Variants in TMEM51 observed in about 807,000 individuals in gnomAD.
TMEM51 encodes transmembrane protein 51, also known as chromosome 1 open reading frame 72.
In TMEM51, 8 loss-of-function variants were observed where a neutral mutation model predicts 13.6. The ratio of observed to expected loss-of-function variants is 0.59; its 90% CI spans 0.35 to 1.07. The LOEUF (loss-of-function observed/expected upper bound fraction) is 1.07, where lower values mean the gene tolerates loss of function less well. TMEM51 is among the 50% of genes least tolerant of loss of function. TMEM51 has a pLI of 0.02. For missense variants in TMEM51, 279 were observed against 330.7 expected, an observed-to-expected ratio of 0.84 and a Z score of 1.21; for synonymous variants, 147 against 144.4, an observed-to-expected ratio of 1.02 and a Z score of -0.13.
At chr1:15,164,806 C>T (rs10927693) in intron 1 of TMEM51, among the ~76,000 whole-genome samples, 1,699 of 93,798 alleles carry the variant, frequency 0.018, 7 homozygotes, top group African/African-American at 0.032. Context: ...TTTTTTTTTT[C>T]CTTTTTTTTT....
Position 15,215,434 on chromosome 1 carries a change from G to A in TMEM51, c.344+3G>A, listed in dbSNP as rs746188222. The stretch of plus-strand genomic sequence containing the variant: ...CCTCACGCCCAGGAGGAAGACAGGT[G>A]AGGCCTGACTGTCCCCTTCCCTCCC... On this transcript the variant is annotated splice_donor_region_variant and intron_variant, in intron 3 of 3. Coordinates refer to ENST00000376008, the MANE Select transcript of TMEM51 (RefSeq NM_001136218.2). The A allele has an allele frequency of 6.3e-7, 1 of 1,592,708 alleles. No individual in the cohort carries two copies. Among genetic ancestry groups the A allele is most frequent in the South Asian group, 1.1e-5 (1 of 89,750 alleles).
At chr1:15,156,820 T>C (rs1450237383) in intron 1 of TMEM51, among the ~76,000 whole-genome samples, 1 of 152,208 alleles carries the variant, frequency 6.6e-6, no homozygotes, top group Non-Finnish European at 1.5e-5. Context: ...CCAGCCCTCC[T>C]GACTCCCTTC....
intron 1 of TMEM51, among the ~76,000 whole-genome samples, chr1:15,198,918 C>T (rs1023857474): frequency 2.1e-4 from 32 of 152,152 alleles, no homozygotes; most frequent in African/African-American, 7.2e-4. Context: ...AGGTCAACCC[C>T]GTTTCCGGCC....
rs11557012 is a variant in TMEM51, at chr1:15,214,951, G to T, written c.-137G>T. 2.9e-4 allele frequency: 248 copies of T among 856,964 alleles called. 3 individuals carry two copies. In the East Asian group the frequency reaches 6.2e-3, roughly 22 times the overall value. The allele number at this position is 856,964 out of a possible 1,614,324, so 53.1% of individuals were successfully genotyped here. A position where few individuals can be genotyped will look rare whatever the true frequency, so the allele number is the denominator to read the frequency against. On this transcript the variant is annotated 5_prime_UTR_variant, in exon 3 of 4. Coordinates refer to ENST00000376008, the MANE Select transcript of TMEM51 (RefSeq NM_001136218.2). ...CCTCGCGATTGCTCGGAACCATCCC[G>T]CAGGAGTTCAGCTGATATTTTCTAG...
intron 1 of TMEM51, among the ~76,000 whole-genome samples, chr1:15,163,931 T>C (rs11582618): frequency 0.23 from 34,988 of 150,844 alleles, 4,456 homozygotes; most frequent in African/African-American, 0.32. Context: ...TGGGGTCAAG[T>C]GATTCTCCTG....
Position 15,219,541 on chromosome 1 carries a change from C to A in TMEM51, c.560C>A (p.Pro187His), listed in dbSNP as rs1448931328. 6 of 1,614,142 alleles carry A rather than the reference C, an allele frequency of 3.7e-6. No individual in the cohort carries two copies. The highest frequency in any genetic ancestry group is 2.2e-5 in the South Asian group (2 of 91,084). Residue 187 changes from proline (P) to histidine (H), a missense_variant, in exon 4 of 4, where the codon CCT (proline) becomes CAT (histidine). Pro to His is a moderately conservative substitution (Grantham distance 77). Transcript: ENST00000376008. Reference sequence around the variant, plus strand: ...GTGGAGGCCAGCCCTGGGAACCCCCCTGACAGGCAGAACTCTAAGTTGGCC... The same window carrying A: ...GTGGAGGCCAGCCCTGGGAACCCCCATGACAGGCAGAACTCTAAGTTGGCC... The part of the protein sequence containing the change: ...ADVEASPGNP[P>H]DRQNSKLAKR...
At chr1:15,210,721 C>A (rs1341429512) in intron 2 of TMEM51, among the ~76,000 whole-genome samples, 159 bp downstream of exon 2, 40 of 152,232 alleles carry the variant, frequency 2.6e-4, no homozygotes, top group Admixed American at 2.6e-3. Context: ...GACTGCCCAC[C>A]AAGCCTACTG....
rs1353503965 is a variant in TMEM51 at position 15,193,641 on chromosome 1, G to A, written c.-266-16849G>A. On this transcript the variant is annotated intron_variant, in intron 1 of 3. Coordinates refer to ENST00000376008, the MANE Select transcript of TMEM51 (RefSeq NM_001136218.2). ...CGCCCAAGCTGGAGTGCAGTGGCAC[G>A]GTCTCGGCTCACTGCAACCTCCATC... is the stretch of plus-strand genomic sequence containing the variant. Among the ~76,000 whole-genome samples the A allele has an allele frequency of 9.8e-5, 14 of 143,238 alleles. No homozygotes were observed. The East Asian group carries it at 1.2e-3, about 12-fold the overall frequency. 94.0% of individuals were successfully genotyped at this position (143,238 alleles called of 152,430 possible).
chr1:15,191,770 C>A (rs762935098), intron 1 of TMEM51: 11 of 296,706 alleles, frequency 3.7e-5, no homozygotes, highest in Admixed American at 1.6e-4. Context: ...GTTTGCAAAT[C>A]TTTTTATTTC....
At chr1:15,175,425 TA>T (rs1643427285) in intron 1 of TMEM51, among the ~76,000 whole-genome samples, 1 of 152,016 alleles carries the variant, frequency 6.6e-6, no homozygotes. Flanking sequence ...TTAAATAAAA[TA>T]AAATAAACTA....
At position 15,219,794 on chromosome 1, in the gene TMEM51, C is replaced by T. The variant is rs1358481619; in HGVS notation, c.*51C>T. On this transcript the variant is annotated 3_prime_UTR_variant, in exon 4 of 4. Transcript: ENST00000376008. ...TCCTGTCTCTCACACCTTTCACCCC[C>T]AAGACTCTAACAAAGCCACATGAGC... 5 of 1,572,830 alleles carry T rather than the reference C, an allele frequency of 3.2e-6. No individual in the cohort carries two copies. Among genetic ancestry groups the T allele is most frequent in the Non-Finnish European group, 4.3e-6 (5 of 1,159,154 alleles).
chr1:15,175,438 G>A (rs1297404243), intron 1 of TMEM51, among the ~76,000 whole-genome samples: 1 of 151,908 alleles, frequency 6.6e-6, no homozygotes, highest in Non-Finnish European at 1.5e-5. Flanking sequence ...AATAAACTAG[G>A]GCTGTAAGCT....
chr1:15,168,584 C>G, intron 1 of TMEM51: 4 of 1,304,620 alleles, frequency 3.1e-6, no homozygotes, highest in Non-Finnish European at 4.0e-6. Flanking sequence ...AGGAACTGTG[C>G]CTGGCTGAGC....
chr1:15,202,529 T>C (rs545655742), intron 1 of TMEM51, among the ~76,000 whole-genome samples: 1 of 152,168 alleles, frequency 6.6e-6, no homozygotes, highest in Non-Finnish European at 1.5e-5. Context: ...TAGGAGAGCA[T>C]GCGTCTTCTT....
intron 1 of TMEM51, among the ~76,000 whole-genome samples, chr1:15,198,248 C>T (rs1346925920): frequency 1.3e-5 from 2 of 152,122 alleles, no homozygotes; most frequent in Admixed American, 6.5e-5. Flanking sequence ...CCTATACACA[C>T]CCTGCTTATA....
At chr1:15,188,294 TG>T (rs1183604893) in intron 1 of TMEM51, among the ~76,000 whole-genome samples, 1 of 152,160 alleles carries the variant, frequency 6.6e-6, no homozygotes, top group Non-Finnish European at 1.5e-5. Context: ...GAAGTCTCAG[TG>T]TTTCCCCCAA....
intron 1 of TMEM51, among the ~76,000 whole-genome samples, chr1:15,187,346 G>A (rs1643811786): frequency 6.6e-6 from 1 of 152,186 alleles, no homozygotes; most frequent in Middle Eastern, 3.2e-3. Context: ...TCCCTCATCT[G>A]TGCTGTCCAT....
At chr1:15,178,249 C>T (rs922603647) in intron 1 of TMEM51, among the ~76,000 whole-genome samples, 4 of 151,854 alleles carry the variant, frequency 2.6e-5, no homozygotes, top group South Asian at 2.1e-4. Flanking sequence ...AGGAGTAGAG[C>T]GGTCCCTTCG....
intron 1 of TMEM51, among the ~76,000 whole-genome samples, chr1:15,182,074 T>A (rs2100236526): frequency 6.6e-6 from 1 of 152,020 alleles, no homozygotes; most frequent in Non-Finnish European, 1.5e-5. Context: ...GGCAGGAGAA[T>A]CGCTTGAACC....
Sources: gnomAD v4.1 joint callset for allele counts (sites outside exome capture counted in the v4.1 genomes callset) on GRCh38, gnomAD v4.1.1 for gene constraint, MANE v1.5 for transcripts, NCBI Gene and HGNC (gene_info 2026-07-23, HGNC 2026-07-21) for gene names.